CTNNA2: variants seen among roughly 807,000 people sequenced by gnomAD.
The protein encoded by CTNNA2 is catenin alpha 2.
A neutral mutation model predicts 101.0 loss-of-function variants in CTNNA2; 42 were observed. The ratio of observed to expected loss-of-function variants is 0.42; its 90% CI spans 0.32 to 0.54. The LOEUF (loss-of-function observed/expected upper bound fraction) is 0.54, where lower values mean the gene tolerates loss of function less well. CTNNA2 is among the 20% of genes least tolerant of loss of function. The pLI is 0.14. For missense variants in CTNNA2, 871 were observed against 1,223.1 expected, an observed-to-expected ratio of 0.71 and a Z score of 4.29; for synonymous variants, 450 against 456.4, an observed-to-expected ratio of 0.99 and a Z score of 0.18.
chr2:79,362,394 C>A (rs1424448349), intron 3 of CTNNA2, among the ~76,000 whole-genome samples: 1 of 152,178 alleles, frequency 6.6e-6, no homozygotes, highest in African/African-American at 2.4e-5. Flanking sequence ...ATGGTTAGAT[C>A]AAGCTAATTA....
At chr2:79,562,324 G>A (rs1031625711) in intron 1 of CTNNA2, among the ~76,000 whole-genome samples, 5 of 151,914 alleles carry the variant, frequency 3.3e-5, no homozygotes, top group Non-Finnish European at 5.9e-5. Context: ...TAGCTTTGTG[G>A]TAAATTTTGA....
chr2:80,018,760 G>A (rs1454796607), intron 7 of CTNNA2, among the ~76,000 whole-genome samples: 5 of 145,986 alleles, frequency 3.4e-5, no homozygotes, highest in African/African-American at 1.0e-4. Flanking sequence ...CAGCCTGGGC[G>A]ACAGGGCGAG....
chr2:80,550,259 T>G (rs1692448917), intron 11 of CTNNA2, among the ~76,000 whole-genome samples: 2 of 152,316 alleles, frequency 1.3e-5, no homozygotes. Flanking sequence ...AATACTTCAT[T>G]TCTAAAAAAT....
At chr2:80,024,366 T>A (rs1369253491) in intron 7 of CTNNA2, among the ~76,000 whole-genome samples, 2 of 152,036 alleles carry the variant, frequency 1.3e-5, no homozygotes, top group Non-Finnish European at 2.9e-5. Flanking sequence ...AGAACAGGCT[T>A]ATTGGGAAAG....
At chr2:79,852,306 T>C (rs947471086) in intron 3 of CTNNA2, among the ~76,000 whole-genome samples, 1 of 152,196 alleles carries the variant, frequency 6.6e-6, no homozygotes, top group Non-Finnish European at 1.5e-5. Flanking sequence ...ATTTTTTTAG[T>C]TCTCTTAAGG....
At chr2:79,200,403 G>C (rs1311232930) in intron 2 of CTNNA2, among the ~76,000 whole-genome samples, 1 of 150,540 alleles carries the variant, frequency 6.6e-6, no homozygotes, top group Non-Finnish European at 1.5e-5. Flanking sequence ...AAAAAAATTA[G>C]ACAAAAAATC....
At chr2:79,378,124 C>T (rs1677999609) in intron 4 of CTNNA2, among the ~76,000 whole-genome samples, 2 of 152,062 alleles carry the variant, frequency 1.3e-5, no homozygotes, top group East Asian at 1.9e-4. Context: ...TCTATTCCTA[C>T]ACACTATGAT....
intron 1 of CTNNA2, among the ~76,000 whole-genome samples, chr2:79,187,745 T>C (rs888243579): frequency 6.6e-6 from 1 of 152,212 alleles, no homozygotes; most frequent in African/African-American, 2.4e-5. Context: ...CTGCTAAATA[T>C]CTTGGATTAA....
At chr2:79,896,610 A>G (rs1170106426) in intron 6 of CTNNA2, among the ~76,000 whole-genome samples, 1 of 152,220 alleles carries the variant, frequency 6.6e-6, no homozygotes, top group African/African-American at 2.4e-5. Flanking sequence ...ATACCGACCT[A>G]TAAGGAAAGC....
intron 18 of CTNNA2, among the ~76,000 whole-genome samples, chr2:80,626,461 C>A (rs1050185087): frequency 6.6e-6 from 1 of 152,120 alleles, no homozygotes; most frequent in African/African-American, 2.4e-5. Flanking sequence ...GAAACTTCCA[C>A]CCCTCTGCCC....
intron 1 of CTNNA2, among the ~76,000 whole-genome samples, chr2:79,525,989 T>G (rs1318441506): frequency 1.3e-5 from 2 of 152,002 alleles, no homozygotes; most frequent in Non-Finnish European, 1.5e-5. Flanking sequence ...TTGGAAATAA[T>G]TTTTTTGTTT....
intron 4 of CTNNA2, among the ~76,000 whole-genome samples, chr2:79,425,802 A>T (rs12472215): frequency 0.28 from 42,101 of 152,102 alleles, 6,308 homozygotes; most frequent in South Asian, 0.44. Context: ...TTGTATTCTG[A>T]AAACCTAACA....
intron 12 of CTNNA2, among the ~76,000 whole-genome samples, chr2:80,563,369 C>G (rs1042133837): frequency 1.3e-5 from 2 of 152,154 alleles, no homozygotes; most frequent in Admixed American, 6.6e-5. Flanking sequence ...TGCTAACAGC[C>G]ACTCATTTGG....
At chr2:80,114,763 G>A (rs1701425241) in intron 7 of CTNNA2, among the ~76,000 whole-genome samples, 1 of 152,070 alleles carries the variant, frequency 6.6e-6, no homozygotes, top group South Asian at 2.1e-4. Context: ...TTTTGGGTAG[G>A]GCCAGATACC....
intron 1 of CTNNA2, among the ~76,000 whole-genome samples, chr2:79,538,655 G>A (rs1673220106): frequency 1.3e-5 from 2 of 152,216 alleles, no homozygotes; most frequent in South Asian, 4.1e-4. Flanking sequence ...GGGGAGCTCA[G>A]AGAATATTGC....
chr2:80,181,685 T>C (rs1175230989), intron 7 of CTNNA2, among the ~76,000 whole-genome samples: 2 of 152,216 alleles, frequency 1.3e-5, no homozygotes, highest in Non-Finnish European at 2.9e-5. Flanking sequence ...TCTAGTGAAC[T>C]AGGCAACCAA....
intron 2 of CTNNA2, among the ~76,000 whole-genome samples, chr2:79,741,358 A>T (rs1419500301): frequency 6.6e-6 from 1 of 152,156 alleles, no homozygotes; most frequent in Non-Finnish European, 1.5e-5. Flanking sequence ...AGGATATTTT[A>T]AGTTTACAGT....
At chr2:80,393,009 G>A (rs1677665757) in intron 7 of CTNNA2, among the ~76,000 whole-genome samples, 1 of 152,110 alleles carries the variant, frequency 6.6e-6, no homozygotes, top group Non-Finnish European at 1.5e-5. Context: ...TCCTGAGAAC[G>A]TATTGGTCTT....
chr2:80,313,669 G>A lies in CTNNA2; in HGVS notation c.1057-79542G>A, dbSNP rs1225296654. Reference sequence around the variant, plus strand: ...CTGGAGCACAGGTATGCAGGAGAAGGGGGTAAGAAAGGAGTGTGAATTTAG... The same window carrying A: ...CTGGAGCACAGGTATGCAGGAGAAGAGGGTAAGAAAGGAGTGTGAATTTAG... On this transcript the variant is annotated intron_variant, in intron 7 of 18. Coordinates refer to ENST00000402739, the MANE Select transcript of CTNNA2 (RefSeq NM_001282597.3). The A allele has an allele frequency of 2.5e-6, 4 of 1,587,510 alleles. No homozygotes were observed. The African/African-American group carries it at 5.4e-5, about 21-fold the overall frequency.
Sources: allele counts gnomAD v4.1 joint callset (sites outside exome capture counted in the v4.1 genomes callset), GRCh38; gene constraint gnomAD v4.1.1; transcripts MANE v1.5; gene names NCBI Gene and HGNC (gene_info 2026-07-23, HGNC 2026-07-21).